SLC36A4: variants seen among roughly 807,000 people sequenced by gnomAD.
SLC36A4 encodes the protein neutral amino acid uniporter 4.
In SLC36A4, 49 loss-of-function variants were observed where a neutral mutation model predicts 50.5. That is an observed-to-expected ratio of 0.97 (90% CI 0.77 to 1.23). The LOEUF is 1.23. Ranked by LOEUF, SLC36A4 falls within the 50% of genes most tolerant of loss-of-function variation. The pLI, the probability that SLC36A4 is intolerant of heterozygous loss-of-function variation, is 0.00. For missense variants in SLC36A4, 611 were observed against 608.4 expected (o/e 1.00, Z -0.05); for synonymous variants, 207 against 206.5 (o/e 1.00, Z -0.02).
At chr11:93,158,402 T>A (rs1860462123) in intron 9 of SLC36A4, among the ~76,000 whole-genome samples, 1 of 152,126 alleles carries the variant, frequency 6.6e-6, no homozygotes, top group South Asian at 2.1e-4. Context: ...GTACTATTAC[T>A]TTTTTATTGA....
At chr11:93,174,702 T>C (rs911822783) in intron 6 of SLC36A4, among the ~76,000 whole-genome samples, 12 of 141,692 alleles carry the variant, frequency 8.5e-5, no homozygotes, top group Middle Eastern at 3.6e-3. Flanking sequence ...TCTATTGAGA[T>C]AATCATGTGG....
intron 3 of SLC36A4, among the ~76,000 whole-genome samples, 159 bp downstream of exon 3, chr11:93,184,271 A>G (rs1861877712): frequency 1.3e-5 from 2 of 152,178 alleles, no homozygotes; most frequent in South Asian, 4.1e-4. Context: ...TTTTTGTTAA[A>G]TATCATTATC....
rs1860977202 is a variant in SLC36A4, at chr11:93,168,297, A to C, written c.541-126T>G. 7 of 472,000 alleles carry C rather than the reference A, an allele frequency of 1.5e-5. No individual in the cohort carries two copies. In the South Asian group the frequency reaches 4.2e-4, roughly 28 times the overall value. The allele number at this position is 472,000 out of a possible 1,614,324, so 29.2% of individuals were successfully genotyped here. On this transcript the variant is annotated intron_variant, in intron 6 of 10. Transcript: ENST00000326402. Reference sequence around the variant, plus strand: ...CAATAAATTCCTATGATATATTTTAAAATATTTACATTTACATTTTTTCAA... The same window carrying C: ...CAATAAATTCCTATGATATATTTTACAATATTTACATTTACATTTTTTCAA...
chr11:93,197,564 A>G (rs1408101661), intron 1 of SLC36A4: 1 of 576,698 alleles, frequency 1.7e-6, no homozygotes, highest in Non-Finnish European at 3.0e-6. Flanking sequence ...ACACACACAC[A>G]TATTTTAACG....
At position 93,147,739 on chromosome 11, in the gene SLC36A4, C is replaced by T. The variant is rs999186734; in HGVS notation, c.*798G>A. On this transcript the variant is annotated 3_prime_UTR_variant, in exon 11 of 11. Coordinates refer to ENST00000326402, the MANE Select transcript of SLC36A4 (RefSeq NM_152313.4). ...GGACATGATGTGAGAAATAAAACAT[C>T]CTGGCCTGGGAGTCAGAAGATTAGG... 3 of 152,058 alleles carry T rather than the reference C, an allele frequency of 2.0e-5. No homozygotes were observed. The highest frequency in any genetic ancestry group is 4.8e-5 in the African/African-American group (2 of 41,430). 9.4% of individuals were successfully genotyped at this position (152,058 alleles called of 1,614,324 possible).
intron 3 of SLC36A4, among the ~76,000 whole-genome samples, chr11:93,183,681 ACTTTT>A (rs1346701778): frequency 2.6e-5 from 4 of 151,794 alleles, no homozygotes; most frequent in African/African-American, 9.7e-5. Context: ...TATTGTTATT[ACTTTT>A]CTTTTATTTA....
chr11:93,176,831 A>G (rs1480469114), intron 6 of SLC36A4, among the ~76,000 whole-genome samples: 1 of 152,170 alleles, frequency 6.6e-6, no homozygotes, highest in African/African-American at 2.4e-5. Context: ...GTTAAGTCTG[A>G]TGGGCTTCCC....
At chr11:93,181,815 A>G in intron 4 of SLC36A4, 29 bp from the exon 5 acceptor site, 1 of 1,506,414 alleles carries the variant, frequency 6.6e-7, no homozygotes, top group Non-Finnish European at 8.9e-7. Flanking sequence ...CATACAAAGG[A>G]AAAAAGAAAA....
chr11:93,148,588 C>G lies in SLC36A4; in HGVS notation c.1464G>C (p.Gln488His). Residue 488 changes from glutamine to histidine, a missense_variant, in exon 11 of 11, where the codon CAG becomes CAC. By Grantham distance (24) the Gln-to-His change is conservative (BLOSUM62 0). Transcript: ENST00000326402. ...TTGAATTCAAATTTAGAAAAGGACT[C>G]TGTGGAGTGCCAGCTACAACTTTGG... ...PTPKVVAGTP[Q>H]SPFLNLNSTC... 6.2e-7 allele frequency: 1 copy of G among 1,612,682 alleles called. No homozygotes were observed. Among genetic ancestry groups the G allele is most frequent in the Non-Finnish European group, 8.5e-7 (1 of 1,179,224 alleles).
intron 1 of SLC36A4, among the ~76,000 whole-genome samples, chr11:93,192,777 C>T (rs1013050037): frequency 2.0e-5 from 3 of 152,150 alleles, no homozygotes; most frequent in Admixed American, 6.5e-5. Flanking sequence ...GGCTATTGCA[C>T]TGAACAGCAC....
chr11:93,170,206 AC>A (rs1015426803), intron 6 of SLC36A4: 6 of 152,122 alleles, frequency 3.9e-5, no homozygotes, highest in Non-Finnish European at 7.4e-5. Context: ...TCACATGTTT[AC>A]CAAAATGTAA....
rs938024165 is a variant in SLC36A4, at chr11:93,166,035, A to G, written c.769-19T>C. On this transcript the variant is annotated intron_variant, in intron 7 of 10. Coordinates refer to ENST00000326402, the MANE Select transcript of SLC36A4 (RefSeq NM_152313.4). ...GCATGTTCTAAAGAAAGGAAGAAAA[A>G]AAGAAGACCAGTTACATCTTTACTT... 3 of 1,544,104 alleles carry G rather than the reference A, an allele frequency of 1.9e-6. No homozygotes were observed. The South Asian group carries it at 3.6e-5, about 18-fold the overall frequency.
chr11:93,193,675 C>T (rs1862305429), intron 1 of SLC36A4, among the ~76,000 whole-genome samples: 3 of 152,038 alleles, frequency 2.0e-5, no homozygotes, highest in African/African-American at 7.2e-5. Flanking sequence ...TTAGGCAGTG[C>T]TTGTATGCTC....
In SLC36A4 at chr11:93,167,959, G is replaced by T; in HGVS notation, c.753C>A (p.Tyr251Ter). The T allele has an allele frequency of 6.2e-7, 1 of 1,606,122 alleles. No individual in the cohort carries two copies. The highest frequency in any genetic ancestry group is 8.5e-7 in the Non-Finnish European group (1 of 1,176,486). ...TTATACTTACCCTGACAACATACTGGTAAATTATCACAAGACTGACAGCCA... is the reference window on the plus strand; with the variant it reads ...TTATACTTACCCTGACAACATACTGTTAAATTATCACAAGACTGACAGCCA... The part of the protein sequence containing the change: ...VSMAVSLVII[Y>*]QYVVRNMPDP... Residue 251 changes from tyrosine to a stop codon, truncating the protein, a stop_gained, in exon 7 of 11, where the codon TAC becomes TAA. Transcript: ENST00000326402. LOFTEE classifies it high-confidence loss of function.
In SLC36A4 at chr11:93,148,443, T is replaced by C. The variant is rs954072519; in HGVS notation, c.*94A>G. 5.9e-5 allele frequency: 64 copies of C among 1,083,420 alleles called. 1 individual carries two copies. The South Asian group carries it at 6.2e-4, about 11-fold the overall frequency. The allele number at this position is 1,083,420 out of a possible 1,614,324, so 67.1% of individuals were successfully genotyped here. A position where few individuals can be genotyped will look rare whatever the true frequency, so the allele number is the denominator to read the frequency against. ...TCGTGCCAAAGAAAACAGAGTTTGT[T>C]ACCATTTTTATGTATATAGCAATGT... On this transcript the variant is annotated 3_prime_UTR_variant, in exon 11 of 11. Transcript: ENST00000326402.
At position 93,148,559 on chromosome 11, in the gene SLC36A4, C is replaced by T; in HGVS notation, c.1493G>A (p.Cys498Tyr). 6.2e-7 allele frequency: 1 copy of T among 1,610,474 alleles called. No homozygotes were observed. Among genetic ancestry groups the T allele is most frequent in the African/African-American group, 1.3e-5 (1 of 74,766 alleles). ...TTACTATTTCAAACCAGATGTTAAG[C>T]ATGTTGAATTCAAATTTAGAAAAGG... ...QSPFLNLNST[C>Y]LTSGLK Residue 498 changes from cysteine to tyrosine, a missense_variant, in exon 11 of 11, where the codon TGC becomes TAC. By Grantham distance (194) the Cys-to-Tyr change is radical. Transcript: ENST00000326402.
intron 1 of SLC36A4, among the ~76,000 whole-genome samples, chr11:93,188,064 C>T (rs78641156): frequency 0.11 from 17,385 of 152,180 alleles, 1,275 homozygotes; most frequent in Non-Finnish European, 0.16. Context: ...TCTTTTCCAA[C>T]GAAATACTAA....
chr11:93,154,254 A>G lies in SLC36A4; in HGVS notation c.1061T>C (p.Leu354Pro). 1 of 1,455,356 alleles carries G rather than the reference A, an allele frequency of 6.9e-7. No individual in the cohort carries two copies. Among genetic ancestry groups the G allele is most frequent in the South Asian group, 1.6e-5 (1 of 60,684 alleles). The allele number at this position is 1,455,356 out of a possible 1,614,324, so 90.2% of individuals were successfully genotyped here. Residue 354 changes from leucine to proline, a missense_variant, in exon 10 of 11, where the codon CTA becomes CCA. Physicochemically the swap from Leu to Pro is moderately conservative, Grantham distance 98. Coordinates refer to ENST00000326402, the MANE Select transcript of SLC36A4 (RefSeq NM_152313.4). ...TGTCACAAAAATGCCAAAGGAATAT[A>G]GAATTTTCACTGATTGATATAACCT... ...DVWLYQSVKI[L>P]YSFGIFVTYS...
intron 1 of SLC36A4, chr11:93,193,004 A>G (rs1272368122): frequency 9.2e-6 from 2 of 217,812 alleles, no homozygotes; most frequent in Non-Finnish European, 1.6e-5. Flanking sequence ...AATGTATATG[A>G]AGCACACAGC....
Sources: gnomAD v4.1 joint callset for allele counts (sites outside exome capture counted in the v4.1 genomes callset) on GRCh38, gnomAD v4.1.1 for gene constraint, MANE v1.5 for transcripts, NCBI Gene and HGNC (gene_info 2026-07-23, HGNC 2026-07-21) for gene names.